The following HEMK2 variants were observed in gnomAD, a reference collection of about 807,000 sequenced individuals.
The protein encoded by HEMK2 is HemK methyltransferase 2, ETF1 glutamine and histone H4 lysine.
At chr21:28,872,445 T>C in the HEMK2 span, 1 of 152,250 alleles carries the variant, frequency 6.6e-6, no homozygotes, top group Non-Finnish European at 1.5e-5. Context: ...GTGGGCATGT[T>C]CATTCAGGCA....
At chr21:28,840,697 A>C in the HEMK2 span, among the ~76,000 whole-genome samples, 1 of 152,030 alleles carries the variant, frequency 6.6e-6, no homozygotes, top group Non-Finnish European at 1.5e-5. Flanking sequence ...AATCAAAAAC[A>C]GTAGATACTA....
the HEMK2 span, among the ~76,000 whole-genome samples, chr21:28,836,794 C>T: frequency 6.8e-6 from 1 of 147,290 alleles, no homozygotes; most frequent in East Asian, 2.0e-4. Context: ...CTCACATAAA[C>T]TTAAAGTAAA....
At chr21:28,650,591 A>G in the HEMK2 span, among the ~76,000 whole-genome samples, 2 of 152,020 alleles carry the variant, frequency 1.3e-5, no homozygotes, top group Non-Finnish European at 1.5e-5. Context: ...GCAATGGGGG[A>G]ATGGAAGTAC....
chr21:28,826,489 T>C, the HEMK2 span, among the ~76,000 whole-genome samples: 1 of 152,204 alleles, frequency 6.6e-6, no homozygotes, highest in South Asian at 2.1e-4. Flanking sequence ...TTATTTCAAA[T>C]CTCTTTCATA....
At chr21:28,615,494 C>G in the HEMK2 span, among the ~76,000 whole-genome samples, 94 of 151,838 alleles carry the variant, frequency 6.2e-4, no homozygotes, top group Non-Finnish European at 1.2e-3. Context: ...TGTTGAGTCA[C>G]AGAGCTGGAG....
At chr21:28,724,649 A>C in the HEMK2 span, among the ~76,000 whole-genome samples, 1 of 152,236 alleles carries the variant, frequency 6.6e-6, no homozygotes, top group South Asian at 2.1e-4. Context: ...TAAGAAGAAA[A>C]ACCTGTTTGA....
At chr21:28,665,334 C>CTTTTTTTTTTTTTTTTTT in the HEMK2 span, among the ~76,000 whole-genome samples, 2 of 36,680 alleles carry the variant, frequency 5.5e-5, no homozygotes, top group African/African-American at 1.3e-4. Flanking sequence ...ATTTATATTT[C>CTTTTTTTTTTTTTTTTTT]TTTTTTTTTT....
the HEMK2 span, among the ~76,000 whole-genome samples, chr21:28,589,021 C>A: frequency 6.7e-6 from 1 of 148,682 alleles, no homozygotes; most frequent in East Asian, 2.0e-4. Context: ...CATACAAAAT[C>A]ATCTCAAATT....
At chr21:28,604,172 T>A in the HEMK2 span, among the ~76,000 whole-genome samples, 1 of 152,222 alleles carries the variant, frequency 6.6e-6, no homozygotes, top group Non-Finnish European at 1.5e-5. Context: ...AGACCCTCAG[T>A]CTACCCTGCT....
chr21:28,795,554 A>C, the HEMK2 span, among the ~76,000 whole-genome samples: 1 of 152,222 alleles, frequency 6.6e-6, no homozygotes, highest in Non-Finnish European at 1.5e-5. Flanking sequence ...TAAAGCACTC[A>C]ACATGTGTTT....
At chr21:28,867,931 A>G in the HEMK2 span, among the ~76,000 whole-genome samples, 1 of 152,170 alleles carries the variant, frequency 6.6e-6, no homozygotes, top group Non-Finnish European at 1.5e-5. Context: ...CAACCTTTTT[A>G]TTTACAACTT....
the HEMK2 span, among the ~76,000 whole-genome samples, chr21:28,623,926 T>C: frequency 7.0e-3 from 1,065 of 152,264 alleles, 16 homozygotes; most frequent in African/African-American, 0.024. Context: ...GGCACGTGTA[T>C]ACCTATGTAA....
chr21:28,844,618 T>C, the HEMK2 span, among the ~76,000 whole-genome samples: 1 of 152,096 alleles, frequency 6.6e-6, no homozygotes, highest in Non-Finnish European at 1.5e-5. Flanking sequence ...TATTTTTAAA[T>C]TTAATAGATG....
At chr21:28,882,723 A>T in the HEMK2 span, among the ~76,000 whole-genome samples, 3 of 152,216 alleles carry the variant, frequency 2.0e-5, no homozygotes, top group African/African-American at 7.2e-5. Flanking sequence ...AAATTTAAGC[A>T]ACTTTAAATG....
At chr21:28,742,944 C>T in the HEMK2 span, among the ~76,000 whole-genome samples, 2 of 151,964 alleles carry the variant, frequency 1.3e-5, no homozygotes, top group African/African-American at 4.8e-5. Flanking sequence ...AAGTTTATTC[C>T]GTTTCCTGAC....
the HEMK2 span, among the ~76,000 whole-genome samples, chr21:28,712,214 G>C: frequency 1 from 152,282 of 152,282 alleles, 76,141 homozygotes; most frequent in Non-Finnish European, 1. Flanking sequence ...CCATGATCTG[G>C]TTGATAATTC....
chr21:28,709,633 T>C, the HEMK2 span, among the ~76,000 whole-genome samples: 1 of 152,154 alleles, frequency 6.6e-6, no homozygotes, highest in African/African-American at 2.4e-5. Flanking sequence ...TAAAAAAGAT[T>C]CTAGCTTTTC....
the HEMK2 span, among the ~76,000 whole-genome samples, chr21:28,770,696 C>T: frequency 6.6e-6 from 1 of 152,078 alleles, no homozygotes; most frequent in Non-Finnish European, 1.5e-5. Context: ...CTCTCACTCG[C>T]TCTCACCTTC....
the HEMK2 span, among the ~76,000 whole-genome samples, chr21:28,797,377 C>T: frequency 0.016 from 2,442 of 151,726 alleles, 74 homozygotes; most frequent in African/African-American, 0.055. Context: ...GGACGGATTG[C>T]TTGAGCCCAG....
Sources: gnomAD v4.1 joint callset for allele counts (sites outside exome capture counted in the v4.1 genomes callset) on GRCh38, gnomAD v4.1.1 for gene constraint, MANE v1.5 for transcripts, NCBI Gene and HGNC (gene_info 2026-07-23, HGNC 2026-07-21) for gene names.